Variants in ATP8B4 observed in about 807,000 individuals in gnomAD.
ATP8B4 encodes probable phospholipid-transporting ATPase IM.
Under a neutral mutation model 145.6 loss-of-function variants are expected in ATP8B4, and 133 were observed. The ratio of observed to expected loss-of-function variants is 0.91; its 90% CI spans 0.79 to 1.05. ATP8B4 has a LOEUF of 1.05. ATP8B4 is among the 50% of genes least tolerant of loss of function. ATP8B4 has a pLI of 0.00. For missense variants in ATP8B4, 1,458 were observed against 1,425.2 expected (o/e 1.02, Z -0.37); for synonymous variants, 507 against 492.9 (o/e 1.03, Z -0.38).
chr15:49,947,914 G>A (rs1214114554), intron 14 of ATP8B4, among the ~76,000 whole-genome samples: 1 of 152,010 alleles, frequency 6.6e-6, no homozygotes, highest in Admixed American at 6.6e-5. Flanking sequence ...AACTAGATAT[G>A]CACAGGCAAA....
intron 20 of ATP8B4, among the ~76,000 whole-genome samples, chr15:49,915,442 G>GT (rs2039644655): frequency 6.6e-6 from 1 of 152,086 alleles, no homozygotes; most frequent in African/African-American, 2.4e-5. Flanking sequence ...TATATTTCAA[G>GT]TTAGCCAGAA....
Position 49,897,387 on chromosome 15 carries a change from G to T in ATP8B4, c.2602C>A (p.Arg868=). 6.2e-7 allele frequency: 1 copy of T among 1,613,856 alleles called. No homozygotes were observed. Among genetic ancestry groups the T allele is most frequent in the African/African-American group, 1.3e-5 (1 of 75,028 alleles). ...AAATAGCATAAGAATTTGCACATTC[G>T]GAAATAAGACCACCTTCCATGAACA... ...LLVHGRWSYF[R]MCKFLCYFFY... The change falls in exon 23 of 28, where the codon CGA becomes AGA. Residue 868 remains arginine, a synonymous_variant. Transcript: ENST00000284509.
chr15:50,031,084 G>T (rs563497430), intron 6 of ATP8B4, among the ~76,000 whole-genome samples: 1 of 152,270 alleles, frequency 6.6e-6, no homozygotes, highest in East Asian at 1.9e-4. Context: ...TTGTTTTGAA[G>T]CACTATTACT....
chr15:49,985,267 T>C (rs2046498852), intron 10 of ATP8B4, among the ~76,000 whole-genome samples: 1 of 152,080 alleles, frequency 6.6e-6, no homozygotes, highest in Non-Finnish European at 1.5e-5. Flanking sequence ...TGGCTAATTT[T>C]TTGTATTTTT....
chr15:49,913,124 C>CTTTTTTTTTT (rs543634812), intron 20 of ATP8B4, among the ~76,000 whole-genome samples: 17 of 139,448 alleles, frequency 1.2e-4, no homozygotes, highest in African/African-American at 4.8e-4. Flanking sequence ...GAGCACCTGG[C>CTTTTTTTTTT]TTTTTTTTTT....
intron 1 of ATP8B4, among the ~76,000 whole-genome samples, chr15:50,111,583 G>C (rs2056946070): frequency 6.6e-6 from 1 of 152,140 alleles, no homozygotes; most frequent in South Asian, 2.1e-4. Context: ...CTGTTCGGGG[G>C]GATGGGGAAG....
intron 1 of ATP8B4, among the ~76,000 whole-genome samples, chr15:50,161,137 T>A (rs1236295364): frequency 6.6e-6 from 1 of 152,164 alleles, no homozygotes; most frequent in East Asian, 1.9e-4. Flanking sequence ...CTTCTTTGTC[T>A]CTTCCAGTTT....
chr15:49,932,259 T>C (rs532009597), intron 15 of ATP8B4, among the ~76,000 whole-genome samples: 13 of 151,892 alleles, frequency 8.6e-5, no homozygotes, highest in African/African-American at 3.1e-4. Context: ...TGAATATATG[T>C]ATATATTTAT....
At chr15:50,129,230 T>C (rs1430788263) in intron 1 of ATP8B4, among the ~76,000 whole-genome samples, 1 of 152,146 alleles carries the variant, frequency 6.6e-6, no homozygotes, top group Non-Finnish European at 1.5e-5. Flanking sequence ...TCAAGAACGC[T>C]GTATTAGTTT....
chr15:49,930,565 G>T lies in ATP8B4; in HGVS notation c.1642+554C>A, dbSNP rs544289712. Among the ~76,000 whole-genome samples, 11 of 152,162 alleles carry T rather than the reference G, an allele frequency of 7.2e-5. No individual in the cohort carries two copies. In the South Asian group the frequency reaches 1.5e-3, roughly 20 times the overall value. On this transcript the variant is annotated intron_variant, in intron 16 of 27. Coordinates refer to ENST00000284509, the MANE Select transcript of ATP8B4 (RefSeq NM_024837.4). Reference sequence around the variant, plus strand: ...CAGAGAAAATGAATGATAATGAGGAGGCTGAGGACGATGTTCACAACAACT... The same window carrying T: ...CAGAGAAAATGAATGATAATGAGGATGCTGAGGACGATGTTCACAACAACT...
At chr15:49,936,037 C>T (rs1036330909) in intron 14 of ATP8B4, among the ~76,000 whole-genome samples, 1 of 151,922 alleles carries the variant, frequency 6.6e-6, no homozygotes, top group Non-Finnish European at 1.5e-5. Context: ...CATTTGTGTT[C>T]TTTCCTGTAG....
chr15:49,952,091 G>A (rs1407195694), intron 14 of ATP8B4, among the ~76,000 whole-genome samples: 4 of 152,120 alleles, frequency 2.6e-5, no homozygotes, highest in African/African-American at 4.8e-5. Context: ...TCCCTCTGTG[G>A]GCAACATGGC....
chr15:50,014,219 C>T (rs2048924779), intron 6 of ATP8B4, among the ~76,000 whole-genome samples: 5 of 152,068 alleles, frequency 3.3e-5, no homozygotes, highest in Admixed American at 3.3e-4. Flanking sequence ...TAATTGACCT[C>T]CCCAATTAAC....
chr15:49,978,623 A>C lies in ATP8B4; in HGVS notation c.1034+994T>G, dbSNP rs764441723. Reference sequence around the variant, plus strand: ...TACTGATGATGAGAACTGTCAACCAACCAAGTCCCATCTTAGCTCCAATGT... The same window carrying C: ...TACTGATGATGAGAACTGTCAACCACCCAAGTCCCATCTTAGCTCCAATGT... On this transcript the variant is annotated intron_variant, in intron 12 of 27. Coordinates refer to ENST00000284509, the MANE Select transcript of ATP8B4 (RefSeq NM_024837.4). Among the ~76,000 whole-genome samples, 84 of 152,186 alleles carry C rather than the reference A, an allele frequency of 5.5e-4. No individual in the cohort carries two copies. The Middle Eastern group carries it at 0.017, about 31-fold the overall frequency.
intron 1 of ATP8B4, among the ~76,000 whole-genome samples, chr15:50,177,977 G>T (rs1353075017): frequency 6.6e-6 from 1 of 152,140 alleles, no homozygotes; most frequent in East Asian, 1.9e-4. Flanking sequence ...CCAATAGGAA[G>T]CCTTCTCTCA....
At chr15:49,865,057 G>A (rs2032541018) in intron 26 of ATP8B4, among the ~76,000 whole-genome samples, 1 of 152,140 alleles carries the variant, frequency 6.6e-6, no homozygotes, top group Non-Finnish European at 1.5e-5. Context: ...CTTCAGGATG[G>A]GGGCTGCTCA....
At chr15:49,933,563 C>G (rs536739660) in intron 15 of ATP8B4, among the ~76,000 whole-genome samples, 2 of 152,168 alleles carry the variant, frequency 1.3e-5, no homozygotes, top group African/African-American at 4.8e-5. Flanking sequence ...CAATTTATCT[C>G]TGTTACTGGG....
intron 3 of ATP8B4, among the ~76,000 whole-genome samples, chr15:50,050,051 A>G (rs1262424421): frequency 6.6e-6 from 1 of 152,220 alleles, no homozygotes; most frequent in East Asian, 1.9e-4. Context: ...ACCTTCAAAT[A>G]CTTGAGAACC....
At chr15:49,913,119 C>A (rs8035041) in intron 20 of ATP8B4, among the ~76,000 whole-genome samples, 3,735 of 129,290 alleles carry the variant, frequency 0.029, 161 homozygotes, top group African/African-American at 0.13. Flanking sequence ...TGACAGAGCA[C>A]CTGGCTTTTT....
Sources: gnomAD v4.1 joint callset for allele counts (sites outside exome capture counted in the v4.1 genomes callset) on GRCh38, gnomAD v4.1.1 for gene constraint, MANE v1.5 for transcripts, NCBI Gene and HGNC (gene_info 2026-07-23, HGNC 2026-07-21) for gene names.